TEDC2: variants seen among roughly 807,000 people sequenced by gnomAD.
TEDC2 encodes tubulin epsilon and delta complex 2.
Under a neutral mutation model 48.1 loss-of-function variants are expected in TEDC2, and 49 were observed. That is an observed-to-expected ratio of 1.02 (90% CI 0.81 to 1.29). The LOEUF (loss-of-function observed/expected upper bound fraction) is 1.29. TEDC2 is among the 50% of genes most tolerant of loss of function. The pLI is 0.00. For missense variants in TEDC2, 631 were observed against 571.4 expected, an observed-to-expected ratio of 1.10 and a Z score of -1.06; for synonymous variants, 299 against 247.1, an observed-to-expected ratio of 1.21 and a Z score of -1.97.
At chr16:2,461,525 G>GC (rs1567395279) in intron 4 of TEDC2, 1 of 639,616 alleles carries the variant, frequency 1.6e-6, no homozygotes, top group African/African-American at 2.1e-5. Flanking sequence ...TGCTCACAGG[G>GC]CCCCGCTCAC....
rs769951917 is a variant in TEDC2, at chr16:2,460,674, T to C, written c.177T>C (p.Asn59=). 3 of 1,612,838 alleles carry C rather than the reference T, an allele frequency of 1.9e-6. No homozygotes were observed. The change falls in exon 3 of 10, where the codon AAT becomes AAC. Residue 59 remains asparagine, a synonymous_variant. Coordinates refer to ENST00000361837, the MANE Select transcript of TEDC2 (RefSeq NM_025108.3). Reference sequence around the variant, plus strand: ...AGCCACCTCCAGGGCCAGAAACTAATGGAGAGGACCCCCTTCCAGGTAAAC... The same window carrying C: ...AGCCACCTCCAGGGCCAGAAACTAACGGAGAGGACCCCCTTCCAGGTAAAC... ...ALKPPPGPET[N]GEDPLPACTP...
In TEDC2 at chr16:2,461,807, C is replaced by T. The variant is rs201223376; in HGVS notation, c.659+7C>T. On this transcript the variant is annotated splice_region_variant and intron_variant, in intron 5 of 9. Coordinates refer to ENST00000361837, the MANE Select transcript of TEDC2 (RefSeq NM_025108.3). ...CAGCTTCCCAGAACTCGAGGTGAGG[C>T]TGAGGTCTTTGGCTGGACGGGGGTA... 3.6e-5 allele frequency: 58 copies of T among 1,613,394 alleles called. No homozygotes were observed. The highest frequency in any genetic ancestry group is 4.6e-5 in the Non-Finnish European group (54 of 1,179,996).
rs373607035 is a variant in TEDC2, at chr16:2,461,843, G to A, written c.659+43G>A. ...GGCTGGACGGGGGTAGGGGAGAACC[G>A]GGAGGCATCACCAGCTCGGGGACAG... On this transcript the variant is annotated intron_variant, in intron 5 of 9. Coordinates refer to ENST00000361837, the MANE Select transcript of TEDC2 (RefSeq NM_025108.3). 104 of 1,608,746 alleles carry A rather than the reference G, an allele frequency of 6.5e-5. No individual in the cohort carries two copies. In the Admixed American group the frequency reaches 1.3e-3, roughly 20 times the overall value.
At position 2,464,652 on chromosome 16, in the gene TEDC2, A is replaced by C; in HGVS notation, c.1286A>C (p.Asp429Ala). The C allele has an allele frequency of 6.2e-7, 1 of 1,613,046 alleles. No homozygotes were observed. Among genetic ancestry groups the C allele is most frequent in the Non-Finnish European group, 8.5e-7 (1 of 1,179,968 alleles). ...GCACGTGTCCTTACCATCCTGCGGGATGAACCTGCAGTCTGAGCCTTTCCC... is the reference window on the plus strand; with the variant it reads ...GCACGTGTCCTTACCATCCTGCGGGCTGAACCTGCAGTCTGAGCCTTTCCC... ...GGARVLTILR[D>A]EPAV The change falls in exon 10 of 10, where the codon GAT becomes GCT. Residue 429 changes from aspartate (D) to alanine (A), a missense_variant. Coordinates refer to ENST00000361837, the MANE Select transcript of TEDC2 (RefSeq NM_025108.3).
chr16:2,463,612 G>A (rs2065481097), intron 8 of TEDC2, among the ~76,000 whole-genome samples: 2 of 150,384 alleles, frequency 1.3e-5, no homozygotes, highest in South Asian at 4.2e-4. Context: ...GGGTGACAGA[G>A]TGAGACTCCG....
At position 2,464,627 on chromosome 16, in the gene TEDC2, G is replaced by T. The variant is rs759305264; in HGVS notation, c.1261G>T (p.Ala421Ser). 6.2e-7 allele frequency: 1 copy of T among 1,612,846 alleles called. No individual in the cohort carries two copies. Among genetic ancestry groups the T allele is most frequent in the South Asian group, 1.1e-5 (1 of 91,080 alleles). Residue 421 changes from alanine to serine, a missense_variant, in exon 10 of 10, where the codon GCA becomes TCA. By Grantham distance (99) the Ala-to-Ser change is moderately conservative (BLOSUM62 1). Coordinates refer to ENST00000361837, the MANE Select transcript of TEDC2 (RefSeq NM_025108.3). ...GCACAGCCTGCTCTGCGAGGGAGGA[G>T]CACGTGTCCTTACCATCCTGCGGGA... ...AVHSLLCEGG[A>S]RVLTILRDEP...
In TEDC2 at chr16:2,460,183, C is replaced by T; in HGVS notation, c.26+13C>T. 1 of 1,177,252 alleles carries T rather than the reference C, an allele frequency of 8.5e-7. No individual in the cohort carries two copies. The highest frequency in any genetic ancestry group is 1.1e-6 in the Non-Finnish European group (1 of 923,400). The allele number at this position is 1,177,252 out of a possible 1,614,324, so 72.9% of individuals were successfully genotyped here. ...GCTGCTCGCGCCGGTGAGGCCTGCG[C>T]GGCAGGAGGGGGTGGGAGGATGCGG... is the stretch of plus-strand genomic sequence containing the variant. On this transcript the variant is annotated intron_variant, in intron 1 of 9. Transcript: ENST00000361837.
In TEDC2 at chr16:2,460,301, G is replaced by A. The variant is rs1451373759; in HGVS notation, c.45G>A (p.Gln15=). ...CCCCCAGGCTGGTGGCCGAGCTGCA[G>A]GGCGCCCTGGACGCCTGCGCACAGC... ...GCSRRLVAEL[Q]GALDACAQRQ... The change falls in exon 2 of 10, where the codon CAG becomes CAA. Residue 15 remains glutamine (Q), a synonymous_variant. Transcript: ENST00000361837. 1 of 1,531,946 alleles carries A rather than the reference G, an allele frequency of 6.5e-7. No homozygotes were observed. The highest frequency in any genetic ancestry group is 8.7e-7 in the Non-Finnish European group (1 of 1,143,328). 94.9% of individuals were successfully genotyped at this position (1,531,946 alleles called of 1,614,324 possible).
In TEDC2 at chr16:2,462,231, C is replaced by T. The variant is rs1179822281; in HGVS notation, c.742C>T (p.Gln248Ter). Reference protein sequence around the residue: ...AAKTQFLQNMQTASGGPQPRL... With the variant: ...AAKTQFLQNM ...CAAAACCCAGTTCCTCCAGAACATG[C>T]AGACAGCTGTATCCTTGCTGGGCTT... Residue 248 changes from glutamine to a stop codon, truncating the protein, a stop_gained, in exon 6 of 10, where the codon CAG becomes TAG. Transcript: ENST00000361837. LOFTEE classifies it high-confidence loss of function. The T allele has an allele frequency of 1.2e-6, 2 of 1,613,260 alleles. No homozygotes were observed. The highest frequency in any genetic ancestry group is 1.7e-6 in the Non-Finnish European group (2 of 1,180,008).
In TEDC2 at chr16:2,460,660, G is replaced by A. The variant is rs776641102; in HGVS notation, c.163G>A (p.Gly55Arg). ...GACCCGGGCTTTGAAGCCACCTCCA[G>A]GGCCAGAAACTAATGGAGAGGACCC... The part of the protein sequence containing the change: ...TGTRALKPPP[G>R]PETNGEDPLP... Residue 55 changes from glycine to arginine, a missense_variant, in exon 3 of 10, where the codon GGG (glycine) becomes AGG (arginine). Coordinates refer to ENST00000361837, the MANE Select transcript of TEDC2 (RefSeq NM_025108.3). The A allele has an allele frequency of 1.2e-5, 20 of 1,613,042 alleles. No individual in the cohort carries two copies. The South Asian group carries it at 1.4e-4, about 12-fold the overall frequency.
chr16:2,461,634 G>A (rs543549702), intron 4 of TEDC2, 113 bp from the exon 5 acceptor site: 25 of 1,299,804 alleles, frequency 1.9e-5, no homozygotes, highest in East Asian at 4.7e-5. Flanking sequence ...TGGTGGGGTC[G>A]GGTGTGGGAG....
intron 8 of TEDC2, among the ~76,000 whole-genome samples, chr16:2,463,493 G>T (rs1165861710): frequency 2.0e-5 from 3 of 151,940 alleles, no homozygotes; most frequent in Admixed American, 6.6e-5. Flanking sequence ...TGGGTATGAT[G>T]GCGCACACCT....
chr16:2,464,260 CA>C (rs757553652), intron 9 of TEDC2, 31 bp downstream of exon 9: 5 of 1,599,208 alleles, frequency 3.1e-6, no homozygotes, highest in Non-Finnish European at 3.4e-6. Flanking sequence ...GGGGGTGCAA[CA>C]GAGGTCCGCA....
chr16:2,463,921 C>T (rs781398588), intron 8 of TEDC2, 118 bp from the exon 9 acceptor site: 27 of 1,172,052 alleles, frequency 2.3e-5, no homozygotes, highest in African/African-American at 3.1e-5. Flanking sequence ...TCCTGAAAGC[C>T]CACCTTTCTC....
intron 8 of TEDC2, among the ~76,000 whole-genome samples, chr16:2,463,172 G>T (rs867108430): frequency 1.3e-5 from 2 of 151,530 alleles, no homozygotes; most frequent in African/African-American, 2.4e-5. Flanking sequence ...ATATAAAAAA[G>T]TAGCCAGGCG....
In TEDC2 at chr16:2,460,172, T is replaced by C. The variant is rs1490058723; in HGVS notation, c.26+2T>C. The C allele has an allele frequency of 1.9e-5, 26 of 1,364,668 alleles. No homozygotes were observed. Among genetic ancestry groups the C allele is most frequent in the Non-Finnish European group, 3.7e-6 (4 of 1,069,824 alleles). The allele number at this position is 1,364,668 out of a possible 1,614,324, so 84.5% of individuals were successfully genotyped here. On this transcript the variant is annotated splice_donor_variant, in intron 1 of 9. Transcript: ENST00000361837. LOFTEE classifies it high-confidence loss of function. The stretch of plus-strand genomic sequence containing the variant: ...GCTGCCGGCGGGCTGCTCGCGCCGG[T>C]GAGGCCTGCGCGGCAGGAGGGGGTG...
chr16:2,460,679 A>G lies in TEDC2; in HGVS notation c.182A>G (p.Glu61Gly). 6.2e-7 allele frequency: 1 copy of G among 1,613,028 alleles called. No individual in the cohort carries two copies. The highest frequency in any genetic ancestry group is 8.5e-7 in the Non-Finnish European group (1 of 1,179,986). ...CCTCCAGGGCCAGAAACTAATGGAG[A>G]GGACCCCCTTCCAGGTAAACCTCCA... ...KPPPGPETNG[E>G]DPLPACTPSP... is the part of the protein sequence containing the mutation. The change falls in exon 3 of 10, where the codon GAG becomes GGG. Residue 61 changes from glutamate (E) to glycine (G), a missense_variant. Glu to Gly is a moderately conservative substitution (Grantham distance 98). Coordinates refer to ENST00000361837, the MANE Select transcript of TEDC2 (RefSeq NM_025108.3).
At chr16:2,461,713 G>A (rs1596939218) in intron 4 of TEDC2, 34 bp from the exon 5 acceptor site, 4 of 1,612,538 alleles carry the variant, frequency 2.5e-6, no homozygotes, top group East Asian at 4.5e-5. Context: ...CCAGAGCAAG[G>A]CGATGCTCCT....
At position 2,461,848 on chromosome 16, in the gene TEDC2, G is replaced by A. The variant is rs566336285; in HGVS notation, c.659+48G>A. 2.5e-6 allele frequency: 4 copies of A among 1,603,510 alleles called. No homozygotes were observed. In the African/African-American group the frequency reaches 5.3e-5, roughly 21 times the overall value. On this transcript the variant is annotated intron_variant, in intron 5 of 9. Coordinates refer to ENST00000361837, the MANE Select transcript of TEDC2 (RefSeq NM_025108.3). ...GACGGGGGTAGGGGAGAACCGGGAGGCATCACCAGCTCGGGGACAGGTTCG... is the reference window on the plus strand; with the variant it reads ...GACGGGGGTAGGGGAGAACCGGGAGACATCACCAGCTCGGGGACAGGTTCG...
Sources: gnomAD v4.1 joint callset for allele counts (sites outside exome capture counted in the v4.1 genomes callset) on GRCh38, gnomAD v4.1.1 for gene constraint, MANE v1.5 for transcripts, NCBI Gene and HGNC (gene_info 2026-07-23, HGNC 2026-07-21) for gene names.